GBE1: variants seen among roughly 807,000 people sequenced by gnomAD.
GBE1 encodes the protein 1,4-alpha-glucan branching enzyme 1.
A neutral mutation model predicts 88.8 loss-of-function variants in GBE1; 70 were observed. That is an observed-to-expected ratio of 0.79 (90% CI 0.65 to 0.96). The LOEUF (loss-of-function observed/expected upper bound fraction) is 0.96. Among genes scored for constraint, GBE1 ranks in the 40% least tolerant of loss-of-function variants. The probability of loss-of-function intolerance (pLI) is 0.00; values close to 1 mark genes in which losing one functional copy is unlikely to be tolerated. For missense variants in GBE1, 872 were observed against 871.0 expected, an observed-to-expected ratio of 1.00 and a Z score of -0.01; for synonymous variants, 284 against 300.1, an observed-to-expected ratio of 0.95 and a Z score of 0.56.
intron 1 of GBE1, 50 bp downstream of exon 1, chr3:81,761,325 T>C (rs1014663314): frequency 2.6e-6 from 4 of 1,566,628 alleles, no homozygotes; most frequent in Non-Finnish European, 3.5e-6. Context: ...AGACGGCTCC[T>C]GGGAGGCGGG....
intron 2 of GBE1, among the ~76,000 whole-genome samples, chr3:81,682,653 T>C (rs2107132540): frequency 6.6e-6 from 1 of 152,144 alleles, no homozygotes; most frequent in South Asian, 2.1e-4. Flanking sequence ...ATACTACTGG[T>C]GGGAAGATAA....
chr3:81,547,625 TTCTCTCTCTCTCTCTCTCTCTCTC>T (rs56681369), intron 12 of GBE1, among the ~76,000 whole-genome samples: 1 of 138,282 alleles, frequency 7.2e-6, no homozygotes, highest in Admixed American at 7.2e-5. Flanking sequence ...GGTTCGTTTG[TTCTCTCTCTCTCTCTCTCTCTCTC>T]TCTCTCTCTC....
intron 12 of GBE1, among the ~76,000 whole-genome samples, chr3:81,558,675 T>G (rs371168926): frequency 6.6e-6 from 1 of 152,096 alleles, no homozygotes; most frequent in African/African-American, 2.4e-5. Flanking sequence ...AACAAAACCA[T>G]GCTTAAACAT....
In GBE1 at chr3:81,596,320, G is replaced by T. The variant is rs534504887; in HGVS notation, c.993-2297C>A. Among the ~76,000 whole-genome samples the T allele has an allele frequency of 2.7e-4, 41 of 151,802 alleles. No individual in the cohort carries two copies. In the South Asian group the frequency reaches 6.6e-3, roughly 25 times the overall value. On this transcript the variant is annotated intron_variant, in intron 7 of 15. Coordinates refer to ENST00000429644, the MANE Select transcript of GBE1 (RefSeq NM_000158.4). Reference sequence around the variant, plus strand: ...TTTTTATTATACTTTAAGTTTTAGGGTACATGTGCACAACGTGCAAGTTAG... The same window carrying T: ...TTTTTATTATACTTTAAGTTTTAGGTTACATGTGCACAACGTGCAAGTTAG...
At chr3:81,585,682 T>G (rs553846541) in intron 10 of GBE1, among the ~76,000 whole-genome samples, 10 of 152,286 alleles carry the variant, frequency 6.6e-5, no homozygotes, top group Non-Finnish European at 1.3e-4. Context: ...CCAAATTTGT[T>G]GAGGAAAAAC....
At chr3:81,527,495 A>C (rs1263978137) in intron 14 of GBE1, among the ~76,000 whole-genome samples, 1 of 152,182 alleles carries the variant, frequency 6.6e-6, no homozygotes, top group African/African-American at 2.4e-5. Context: ...AATATCCAGA[A>C]TCTACAATGA....
intron 4 of GBE1, 82 bp from the exon 5 acceptor site, chr3:81,649,073 G>A: frequency 5.4e-6 from 5 of 934,318 alleles, no homozygotes; most frequent in Non-Finnish European, 7.8e-6. Flanking sequence ...TTTAAAAAGT[G>A]GTGAATATAC....
intron 14 of GBE1, among the ~76,000 whole-genome samples, chr3:81,514,371 A>T (rs1392609594): frequency 6.6e-6 from 1 of 151,676 alleles, no homozygotes; most frequent in Non-Finnish European, 1.5e-5. Context: ...TAATTAAATA[A>T]TTTTATTTGA....
At chr3:81,524,297 G>A (rs1702913405) in intron 14 of GBE1, among the ~76,000 whole-genome samples, 2 of 151,658 alleles carry the variant, frequency 1.3e-5, no homozygotes, top group African/African-American at 2.4e-5. Flanking sequence ...ATGTCTTCTT[G>A]AGATGTATAT....
intron 12 of GBE1, among the ~76,000 whole-genome samples, chr3:81,571,972 C>T (rs989927609): frequency 6.6e-6 from 1 of 152,042 alleles, no homozygotes; most frequent in Non-Finnish European, 1.5e-5. Context: ...GTGTCCCCAC[C>T]CAAATCTCAT....
chr3:81,545,227 A>G (rs1703191208), intron 12 of GBE1, among the ~76,000 whole-genome samples: 1 of 87,754 alleles, frequency 1.1e-5, no homozygotes, highest in Admixed American at 1.1e-4. Context: ...ATTTTTCTTT[A>G]AAAAAAAAAT....
At chr3:81,705,353 T>C (rs1293921703) in intron 2 of GBE1, 91 bp downstream of exon 2, 2 of 958,536 alleles carry the variant, frequency 2.1e-6, no homozygotes, top group Non-Finnish European at 3.0e-6. Context: ...TCATTAAAGT[T>C]CATATGGTTA....
intron 1 of GBE1, among the ~76,000 whole-genome samples, chr3:81,749,607 A>G (rs1242463326): frequency 6.6e-6 from 1 of 152,216 alleles, no homozygotes; most frequent in African/African-American, 2.4e-5. Flanking sequence ...CACACAAATA[A>G]GTATATGTAA....
chr3:81,593,133 C>T (rs369082593), intron 8 of GBE1, among the ~76,000 whole-genome samples: 5 of 151,988 alleles, frequency 3.3e-5, no homozygotes, highest in East Asian at 3.9e-4. Flanking sequence ...GAGGCCAAGG[C>T]GGGCAGATCA....
At chr3:81,681,758 T>G (rs1705347941) in intron 2 of GBE1, among the ~76,000 whole-genome samples, 1 of 152,114 alleles carries the variant, frequency 6.6e-6, no homozygotes, top group Admixed American at 6.5e-5. Flanking sequence ...CAACTGGATC[T>G]CCACATAAAA....
chr3:81,514,155 A>T (rs1050299633), intron 14 of GBE1, among the ~76,000 whole-genome samples: 1 of 151,582 alleles, frequency 6.6e-6, no homozygotes, highest in Non-Finnish European at 1.5e-5. Context: ...GGCAAAAAGG[A>T]CAGATGTTAA....
At chr3:81,624,922 C>T (rs767651679) in intron 7 of GBE1, among the ~76,000 whole-genome samples, 47 of 152,130 alleles carry the variant, frequency 3.1e-4, no homozygotes, top group Non-Finnish European at 6.0e-4. Context: ...AACTTTCTAG[C>T]AGCAGCCACT....
intron 15 of GBE1, among the ~76,000 whole-genome samples, chr3:81,495,111 G>A (rs958024274): frequency 6.6e-6 from 1 of 152,144 alleles, no homozygotes; most frequent in East Asian, 1.9e-4. Flanking sequence ...TCAGTGGGTC[G>A]GGCATAGTGG....
chr3:81,565,229 T>A (rs1703475940), intron 12 of GBE1, among the ~76,000 whole-genome samples: 2 of 152,176 alleles, frequency 1.3e-5, no homozygotes, highest in African/African-American at 4.8e-5. Context: ...AGCTCAGTTT[T>A]ATAGACTTCT....
Sources: allele counts gnomAD v4.1 joint callset (sites outside exome capture counted in the v4.1 genomes callset), GRCh38; gene constraint gnomAD v4.1.1; transcripts MANE v1.5; gene names NCBI Gene and HGNC (gene_info 2026-07-23, HGNC 2026-07-21).